The following NRK variants were observed in gnomAD, a reference collection of about 807,000 sequenced individuals.
NRK encodes Nik related kinase.
In NRK, 67 loss-of-function variants were observed where a neutral mutation model predicts 125.2. That is an observed-to-expected ratio of 0.54 (90% CI 0.44 to 0.66). The LOEUF (loss-of-function observed/expected upper bound fraction) is 0.66, where lower values mean the gene tolerates loss of function less well. Among genes scored for constraint, NRK ranks in the 30% least tolerant of loss-of-function variants. The pLI, the probability that NRK is intolerant of heterozygous loss-of-function variation, is 0.00. For synonymous variants in NRK, 458 were observed against 429.0 expected (o/e 1.07, Z -0.84); for missense variants, 1,224 against 1,192.9 (o/e 1.03, Z -0.38).
chrX:105,891,959 G>GT (rs1051547629), intron 5 of NRK, among the ~76,000 whole-genome samples: 13 of 110,496 alleles, frequency 1.2e-4, no homozygotes, highest in East Asian at 2.8e-4. Context: ...TCACTTACAA[G>GT]TTTTTTTTTC....
rs761719457 is a variant in NRK, at chrX:105,893,955, ACAGT to A, written c.489+16_489+19del. On this transcript the variant is annotated intron_variant, in intron 6 of 28. Transcript: ENST00000243300. ...AGAAATCCTTCAGGTGAGTCTTCAT[ACAGT>A]CATTCTCTTCTGATCTTTTAAGAAC... The A allele has an allele frequency of 2.2e-6, 2 of 924,911 alleles. No individual in the cohort carries two copies. The highest frequency in any genetic ancestry group is 3.8e-5 in the African/African-American group (2 of 52,049). 76.2% of individuals were successfully genotyped at this position (924,911 alleles called of 1,213,427 possible).
intron 6 of NRK, 54 bp from the exon 7 acceptor site, chrX:105,895,363 CAGAAAGAAAGAAAGAA>C (rs111844831): frequency 1.3e-5 from 10 of 776,569 alleles, no homozygotes; most frequent in Middle Eastern, 2.8e-4. Context: ...AGAACTGTAC[CAGAAAGAAAGAAAGAA>C]AGAAAGAAAG....
At chrX:105,940,113 A>C (rs945570463) in intron 23 of NRK, 81 bp downstream of exon 23, 1 of 732,475 alleles carries the variant, frequency 1.4e-6, no homozygotes, top group Non-Finnish European at 2.0e-6. Flanking sequence ...ATGAAAGGCA[A>C]AGCAGAGAAA....
chrX:105,946,265 T>C (rs767808575), intron 25 of NRK, 50 bp from the exon 26 acceptor site: 1 of 1,088,694 alleles, frequency 9.2e-7, no homozygotes, highest in Non-Finnish European at 1.2e-6. Context: ...TTTGCCTTAG[T>C]TAGAATGTCA....
At chrX:105,879,541 A>G (rs920103193) in intron 2 of NRK, among the ~76,000 whole-genome samples, 4 of 110,898 alleles carry the variant, frequency 3.6e-5, no homozygotes, top group African/African-American at 6.5e-5. Flanking sequence ...ATAACTCATC[A>G]TATTTTCAAT....
chrX:105,942,303 C>T (rs947246936), intron 23 of NRK, among the ~76,000 whole-genome samples: 16 of 111,554 alleles, frequency 1.4e-4, no homozygotes, highest in African/African-American at 4.6e-4. Context: ...TGGATAGTAT[C>T]GTTACACTGT....
At chrX:105,903,214 C>A (rs943354443) in intron 9 of NRK, among the ~76,000 whole-genome samples, 1 of 111,059 alleles carries the variant, frequency 9.0e-6, no homozygotes. Context: ...AGTCAACTTG[C>A]CTTAACCTGG....
In NRK at chrX:105,935,166, G is replaced by A. The variant is rs373216027; in HGVS notation, c.3500-4G>A. ...CTTATTATCTTCCCCTTACATCTTT[G>A]CAGTATACGCTGGATTCGTAGAAGT... On this transcript the variant is annotated splice_polypyrimidine_tract_variant and splice_region_variant and intron_variant, in intron 20 of 28. Coordinates refer to ENST00000243300, the MANE Select transcript of NRK (RefSeq NM_198465.4). 8.5e-7 allele frequency: 1 copy of A among 1,173,311 alleles called. No individual in the cohort carries two copies. Among genetic ancestry groups the A allele is most frequent in the South Asian group, 1.8e-5 (1 of 55,972 alleles).
At chrX:105,898,851 CCTCT>C in intron 8 of NRK, 137 bp downstream of exon 8, 2 of 454,179 alleles carry the variant, frequency 4.4e-6, no homozygotes, top group Non-Finnish European at 6.9e-6. Flanking sequence ...GAAATACAAG[CCTCT>C]ATTTCGGTAA....
chrX:105,927,003 C>A (rs1177102647), intron 19 of NRK, among the ~76,000 whole-genome samples: 2 of 110,621 alleles, frequency 1.8e-5, no homozygotes, highest in African/African-American at 3.3e-5. Context: ...GATTTTTTTC[C>A]TATTTCTGTG....
At chrX:105,835,835 G>A (rs1393151512) in intron 2 of NRK, among the ~76,000 whole-genome samples, 1 of 110,447 alleles carries the variant, frequency 9.1e-6, no homozygotes, top group Non-Finnish European at 1.9e-5. Context: ...GTATAAATTT[G>A]TCCTGTGTCT....
chrX:105,848,982 T>C (rs916677799), intron 2 of NRK, among the ~76,000 whole-genome samples: 4 of 112,223 alleles, frequency 3.6e-5, no homozygotes. Context: ...AAGCACTGAA[T>C]CAAATGAAAG....
intron 11 of NRK, chrX:105,907,686 A>G (rs1054491903): frequency 3.6e-5 from 4 of 112,485 alleles, no homozygotes; most frequent in Admixed American, 2.8e-4. Context: ...AGATATAAAT[A>G]TAGTTGCCCT....
At chrX:105,884,004 A>G (rs1343018258) in intron 4 of NRK, among the ~76,000 whole-genome samples, 1 of 112,682 alleles carries the variant, frequency 8.9e-6, no homozygotes, top group Non-Finnish European at 1.9e-5. Context: ...CAGGATTTTT[A>G]CCTTTCTAGA....
At chrX:105,843,945 T>C (rs764779774) in intron 2 of NRK, among the ~76,000 whole-genome samples, 2 of 107,986 alleles carry the variant, frequency 1.9e-5, no homozygotes, top group African/African-American at 6.8e-5. Context: ...CTCTAAAAGC[T>C]TTAGTAATGT....
At chrX:105,894,504 A>C (rs976265057) in intron 6 of NRK, among the ~76,000 whole-genome samples, 2 of 112,004 alleles carry the variant, frequency 1.8e-5, no homozygotes, top group East Asian at 5.6e-4. Context: ...ATATTAACAG[A>C]ATTGAACAGT....
At chrX:105,862,870 T>C (rs1238984141) in intron 2 of NRK, among the ~76,000 whole-genome samples, 2 of 112,216 alleles carry the variant, frequency 1.8e-5, no homozygotes, top group Non-Finnish European at 3.8e-5. Flanking sequence ...AGGCCCTGCA[T>C]AGAGTTTAGC....
At chrX:105,871,516 C>T (rs2039747613) in intron 2 of NRK, among the ~76,000 whole-genome samples, 1 of 110,607 alleles carries the variant, frequency 9.0e-6, no homozygotes, top group Non-Finnish European at 1.9e-5. Flanking sequence ...ACACCTCTGC[C>T]TTTGCAACTC....
At chrX:105,920,008 A>T (rs1372292951) in intron 16 of NRK, among the ~76,000 whole-genome samples, 4 of 102,790 alleles carry the variant, frequency 3.9e-5, no homozygotes, top group African/African-American at 1.5e-4. Flanking sequence ...GTTTTCTTCT[A>T]GGGTTTTTAT....
Sources: allele counts gnomAD v4.1 joint callset (sites outside exome capture counted in the v4.1 genomes callset), GRCh38; gene constraint gnomAD v4.1.1; transcripts MANE v1.5; gene names NCBI Gene and HGNC (gene_info 2026-07-23, HGNC 2026-07-21).